Variants in PHACTR3 observed in about 807,000 individuals in gnomAD.
The protein encoded by PHACTR3 is protein phosphatase 1, regulatory subunit 123.
Under a neutral mutation model 66.8 loss-of-function variants are expected in PHACTR3, and 16 were observed. That is an observed-to-expected ratio of 0.24 (90% CI 0.16 to 0.36). PHACTR3 has a LOEUF of 0.36. Ranked by LOEUF, PHACTR3 falls within the 10% of genes least tolerant of loss-of-function variation. PHACTR3 has a pLI of 1.00. For synonymous variants in PHACTR3, 323 were observed against 292.1 expected (o/e 1.11, Z -1.08); for missense variants, 647 against 719.9 (o/e 0.90, Z 1.16).
intron 1 of PHACTR3, among the ~76,000 whole-genome samples, chr20:59,659,767 A>T (rs2035749360): frequency 6.6e-6 from 1 of 152,138 alleles, no homozygotes; most frequent in African/African-American, 2.4e-5. Context: ...ACCATAGCTT[A>T]GGCTCTGAGC....
chr20:59,788,330 C>G (rs1254745527), intron 7 of PHACTR3, among the ~76,000 whole-genome samples: 1 of 152,190 alleles, frequency 6.6e-6, no homozygotes, highest in African/African-American at 2.4e-5. Context: ...GGGCGCTTCC[C>G]TTTCAGACTG....
At chr20:59,845,930 A>C (rs2059139458) in intron 12 of PHACTR3, among the ~76,000 whole-genome samples, 2 of 152,190 alleles carry the variant, frequency 1.3e-5, no homozygotes, top group Non-Finnish European at 2.9e-5. Context: ...GTGATGACGA[A>C]GTTGGGAAAA....
chr20:59,584,694 C>A (rs1022731692), intron 1 of PHACTR3, among the ~76,000 whole-genome samples: 1 of 152,120 alleles, frequency 6.6e-6, no homozygotes, highest in South Asian at 2.1e-4. Flanking sequence ...CTAAGCCAGG[C>A]CTCCACCTTC....
chr20:59,674,344 T>TGCCCCACTCTGCCCTC (rs1720162688), intron 1 of PHACTR3, among the ~76,000 whole-genome samples: 1 of 135,228 alleles, frequency 7.4e-6, no homozygotes, highest in Non-Finnish European at 1.5e-5. Flanking sequence ...CCCTTGGGTT[T>TGCCCCACTCTGCCCTC]GCCCCACTCT....
chr20:59,774,767 A>C (rs948425775), intron 7 of PHACTR3, among the ~76,000 whole-genome samples: 16 of 152,144 alleles, frequency 1.1e-4, no homozygotes, highest in African/African-American at 3.1e-4. Flanking sequence ...TGAAAAAAAA[A>C]AACAACATAA....
chr20:59,584,827 C>T (rs532359581), intron 1 of PHACTR3, among the ~76,000 whole-genome samples: 17 of 152,262 alleles, frequency 1.1e-4, no homozygotes, highest in Admixed American at 6.5e-5. Flanking sequence ...CCCCCTATTC[C>T]GGGGGGATCT....
At chr20:59,726,863 A>G in intron 1 of PHACTR3, among the ~76,000 whole-genome samples, 1 of 152,054 alleles carries the variant, frequency 6.6e-6, no homozygotes, top group East Asian at 1.9e-4. Flanking sequence ...TATTCTAGAA[A>G]CTGGACTATG....
At chr20:59,842,839 C>A (rs753809768) in intron 11 of PHACTR3, among the ~76,000 whole-genome samples, 36 of 152,050 alleles carry the variant, frequency 2.4e-4, no homozygotes, top group Non-Finnish European at 4.1e-4. Flanking sequence ...TACAGTTCAG[C>A]AAATTAATGA....
intron 7 of PHACTR3, among the ~76,000 whole-genome samples, chr20:59,782,070 G>A (rs1419789011): frequency 6.6e-6 from 1 of 152,146 alleles, no homozygotes; most frequent in Admixed American, 6.5e-5. Flanking sequence ...AACCCTCTAG[G>A]AGCTCATGAC....
intron 1 of PHACTR3, among the ~76,000 whole-genome samples, chr20:59,630,978 G>A (rs1423290140): frequency 2.6e-5 from 4 of 152,182 alleles, no homozygotes; most frequent in Admixed American, 2.0e-4. Context: ...GGTCTGTGGG[G>A]TTTCTGGAGT....
chr20:59,813,786 G>GT (rs2041808223), intron 8 of PHACTR3, among the ~76,000 whole-genome samples: 1 of 152,082 alleles, frequency 6.6e-6, no homozygotes, highest in Admixed American at 6.5e-5. Context: ...GGTCCAGGTG[G>GT]TGGAGGCTCC....
chr20:59,720,809 A>G (rs1670562430), intron 1 of PHACTR3, among the ~76,000 whole-genome samples: 1 of 152,192 alleles, frequency 6.6e-6, no homozygotes, highest in Non-Finnish European at 1.5e-5. Context: ...ATTTATCTTC[A>G]GTCATTTGCT....
At chr20:59,682,849 C>T (rs750214729) in intron 1 of PHACTR3, among the ~76,000 whole-genome samples, 1 of 151,924 alleles carries the variant, frequency 6.6e-6, no homozygotes, top group African/African-American at 2.4e-5. Context: ...GGGAGGGAGA[C>T]GGGAGAGAAG....
At chr20:59,770,458 A>AACTGAGTCT (rs1236122485) in intron 5 of PHACTR3, among the ~76,000 whole-genome samples, 1 of 152,140 alleles carries the variant, frequency 6.6e-6, no homozygotes, top group Non-Finnish European at 1.5e-5. Context: ...TGCAGGAGGG[A>AACTGAGTCT]CCCTGGCCCA....
chr20:59,794,072 C>G (rs189917039), intron 7 of PHACTR3, among the ~76,000 whole-genome samples: 349 of 124,346 alleles, frequency 2.8e-3, no homozygotes, highest in Middle Eastern at 0.023. Context: ...TGCAGTGAGC[C>G]AAGATTGTGC....
intron 1 of PHACTR3, among the ~76,000 whole-genome samples, chr20:59,711,429 A>G (rs1328034991): frequency 2.0e-5 from 3 of 152,154 alleles, no homozygotes; most frequent in Non-Finnish European, 4.4e-5. Context: ...ATCTTTTCCA[A>G]TCTGATGAGT....
rs567559399 is a variant in PHACTR3, at chr20:59,713,187, G to A, written c.119-29920G>A. 1.2e-4 allele frequency among the ~76,000 whole-genome samples: 18 copies of A among 152,326 alleles called. No individual in the cohort carries two copies. The East Asian group carries it at 1.9e-3, about 16-fold the overall frequency. ...TGGGCATCTGTTTACATTCATGAGG[G>A]TCCACAGAGGCCCAGAGAAATTCCA... On this transcript the variant is annotated intron_variant, in intron 1 of 12. Transcript: ENST00000371015.
At chr20:59,798,306 G>A (rs2041312279) in intron 7 of PHACTR3, among the ~76,000 whole-genome samples, 2 of 152,194 alleles carry the variant, frequency 1.3e-5, no homozygotes, top group Admixed American at 6.5e-5. Context: ...CTAATCACTT[G>A]CAAAAGTCCC....
intron 1 of PHACTR3, among the ~76,000 whole-genome samples, chr20:59,633,288 TG>T (rs2034731847): frequency 1.3e-5 from 2 of 152,102 alleles, no homozygotes; most frequent in South Asian, 4.1e-4. Context: ...AAAGAAAACG[TG>T]GTACATATAC....
Sources: gnomAD v4.1 joint callset for allele counts (sites outside exome capture counted in the v4.1 genomes callset) on GRCh38, gnomAD v4.1.1 for gene constraint, MANE v1.5 for transcripts, NCBI Gene and HGNC (gene_info 2026-07-23, HGNC 2026-07-21) for gene names.